The following CCDC148 variants were observed in gnomAD, a reference collection of about 807,000 sequenced individuals.
The protein encoded by CCDC148 is coiled-coil domain-containing protein 148.
CCDC148 carries 89 observed loss-of-function variants against 85.7 expected under a neutral mutation model. The observed-to-expected ratio is 1.04, with a 90% CI of 0.87 to 1.24. The LOEUF (loss-of-function observed/expected upper bound fraction) is 1.24, where lower values mean the gene tolerates loss of function less well. CCDC148 is among the 50% of genes most tolerant of loss of function. The pLI, the probability that CCDC148 is intolerant of heterozygous loss-of-function variation, is 0.00. For synonymous variants in CCDC148, 230 were observed against 213.9 expected, an observed-to-expected ratio of 1.08 and a Z score of -0.66; for missense variants, 692 against 671.7, an observed-to-expected ratio of 1.03 and a Z score of -0.33.
intron 9 of CCDC148, among the ~76,000 whole-genome samples, chr2:158,297,950 C>A: frequency 6.6e-6 from 1 of 152,200 alleles, no homozygotes; most frequent in East Asian, 1.9e-4. Context: ...AAGATATACC[C>A]AAGACCAGGT....
Position 158,338,710 on chromosome 2 carries a change from A to T in CCDC148, c.764+16T>A, listed in dbSNP as rs969135906. 1.3e-6 allele frequency: 2 copies of T among 1,574,316 alleles called. No individual in the cohort carries two copies. The highest frequency in any genetic ancestry group is 8.6e-7 in the Non-Finnish European group (1 of 1,162,928). The stretch of plus-strand genomic sequence containing the variant: ...AGTGTCAAAAGTCTACACAGGACTC[A>T]GTTTTATCTTATCACCTGTATATGT... On this transcript the variant is annotated intron_variant, in intron 7 of 13. Coordinates refer to ENST00000283233, the MANE Select transcript of CCDC148 (RefSeq NM_138803.4).
intron 1 of CCDC148, among the ~76,000 whole-genome samples, chr2:158,389,046 C>T (rs981795929): frequency 2.0e-5 from 3 of 152,130 alleles, no homozygotes; most frequent in Non-Finnish European, 4.4e-5. Context: ...ACTCTTGGCA[C>T]TAATGTCATA....
chr2:158,407,474 G>A (rs1354892658), intron 1 of CCDC148, among the ~76,000 whole-genome samples: 1 of 152,076 alleles, frequency 6.6e-6, no homozygotes, highest in Non-Finnish European at 1.5e-5. Flanking sequence ...CTCCAAAACT[G>A]GAGTTGTATC....
intron 13 of CCDC148, among the ~76,000 whole-genome samples, chr2:158,175,125 C>T (rs547731046): frequency 2.0e-5 from 3 of 152,124 alleles, no homozygotes; most frequent in Admixed American, 2.0e-4. Flanking sequence ...TAGGAAAAAG[C>T]CTTGCCCCAC....
At chr2:158,445,006 C>T (rs934774919) in intron 1 of CCDC148, among the ~76,000 whole-genome samples, 1 of 151,970 alleles carries the variant, frequency 6.6e-6, no homozygotes, top group South Asian at 2.1e-4. Context: ...TGTTTATGCA[C>T]ACTAGCACAG....
At chr2:158,423,025 G>T (rs1019288595) in intron 1 of CCDC148, among the ~76,000 whole-genome samples, 2 of 152,214 alleles carry the variant, frequency 1.3e-5, no homozygotes, top group East Asian at 3.9e-4. Context: ...ACTTACAAGG[G>T]ACATAAAGGA....
chr2:158,303,168 A>G (rs1691527332), intron 9 of CCDC148, among the ~76,000 whole-genome samples: 1 of 152,206 alleles, frequency 6.6e-6, no homozygotes, highest in Admixed American at 6.5e-5. Context: ...GGCTGAGAAC[A>G]AAATTATGGT....
intron 7 of CCDC148, among the ~76,000 whole-genome samples, chr2:158,328,616 T>A (rs1411671805): frequency 6.6e-6 from 1 of 152,162 alleles, no homozygotes; most frequent in East Asian, 1.9e-4. Flanking sequence ...TTGAACTAGT[T>A]TACAGTCCCA....
intron 1 of CCDC148, among the ~76,000 whole-genome samples, chr2:158,445,153 T>TA (rs888519204): frequency 2.7e-5 from 4 of 150,638 alleles, no homozygotes; most frequent in Admixed American, 6.6e-5. Context: ...AAAGAGACAA[T>TA]AAAAAAAAAG....
chr2:158,189,752 T>C (rs754717417), intron 11 of CCDC148, among the ~76,000 whole-genome samples: 7 of 151,924 alleles, frequency 4.6e-5, no homozygotes, highest in East Asian at 1.9e-4. Context: ...CATAGACACA[T>C]AGACACTTCC....
At chr2:158,285,534 CTTT>C (rs554409769) in intron 9 of CCDC148, among the ~76,000 whole-genome samples, 1 of 143,860 alleles carries the variant, frequency 7.0e-6, no homozygotes, top group Non-Finnish European at 1.5e-5. Flanking sequence ...AAGGTAACTA[CTTT>C]TTTTTTTTTT....
At chr2:158,315,559 G>A (rs1023101082) in intron 7 of CCDC148, among the ~76,000 whole-genome samples, 17 of 151,898 alleles carry the variant, frequency 1.1e-4, no homozygotes. Context: ...CCCTGGGAAG[G>A]GGGAAGCAAT....
At chr2:158,217,372 G>A (rs866093709) in intron 11 of CCDC148, among the ~76,000 whole-genome samples, 2,743 of 71,696 alleles carry the variant, frequency 0.038, 125 homozygotes, top group African/African-American at 0.1. Context: ...TTGTGTGTGT[G>A]TGTATATATA....
chr2:158,433,165 C>A (rs1344409097), intron 1 of CCDC148, among the ~76,000 whole-genome samples: 3 of 140,386 alleles, frequency 2.1e-5, no homozygotes, highest in East Asian at 4.1e-4. Context: ...GAGGTAGAGG[C>A]AGGAGGATTG....
chr2:158,446,955 T>C (rs148881655), intron 1 of CCDC148, among the ~76,000 whole-genome samples: 1 of 152,348 alleles, frequency 6.6e-6, no homozygotes, highest in Non-Finnish European at 1.5e-5. Flanking sequence ...TCATTATTTT[T>C]AGAGATGAAT....
intron 1 of CCDC148, chr2:158,447,144 T>C (rs192120959): frequency 3.3e-5 from 5 of 152,330 alleles, no homozygotes; most frequent in Admixed American, 3.3e-4. Context: ...TATATTTATA[T>C]ATATGACTTA....
intron 11 of CCDC148, among the ~76,000 whole-genome samples, chr2:158,192,274 T>A (rs950112867): frequency 7.2e-5 from 11 of 152,174 alleles, no homozygotes; most frequent in Admixed American, 6.6e-4. Context: ...TCTCTTTGGA[T>A]ATCTCTCTCA....
rs61469492 is a variant in CCDC148 at position 158,317,973 on chromosome 2, G to A, written c.765-4079C>T. Among the ~76,000 whole-genome samples, 818 of 152,290 alleles carry A rather than the reference G, an allele frequency of 5.4e-3. 4 individuals are homozygous for A. The highest frequency in any genetic ancestry group is 0.018 in the African/African-American group (768 of 41,556). ...TCACAGAGAAGTAGGAGTGCAGTGA[G>A]CCACCATTCAATTAATGTGGATGAC... On this transcript the variant is annotated intron_variant, in intron 7 of 13. Coordinates refer to ENST00000283233, the MANE Select transcript of CCDC148 (RefSeq NM_138803.4).
At chr2:158,373,362 ATTGT>A (rs1684528036) in intron 1 of CCDC148, among the ~76,000 whole-genome samples, 1 of 151,994 alleles carries the variant, frequency 6.6e-6, no homozygotes, top group Non-Finnish European at 1.5e-5. Flanking sequence ...ATAAACTTGG[ATTGT>A]TTAAGTCACT....
Sources: allele counts gnomAD v4.1 joint callset (sites outside exome capture counted in the v4.1 genomes callset), GRCh38; gene constraint gnomAD v4.1.1; transcripts MANE v1.5; gene names NCBI Gene and HGNC (gene_info 2026-07-23, HGNC 2026-07-21).